Variants in ZNF385D observed in about 807,000 individuals in gnomAD.
ZNF385D encodes zinc finger protein 385D.
A neutral mutation model predicts 35.8 loss-of-function variants in ZNF385D; 15 were observed. That is an observed-to-expected ratio of 0.42 (90% CI 0.28 to 0.64). The LOEUF (loss-of-function observed/expected upper bound fraction) is 0.64, where lower values mean the gene tolerates loss of function less well. Among genes scored for constraint, ZNF385D ranks in the 30% least tolerant of loss-of-function variants. The pLI, the probability that ZNF385D is intolerant of heterozygous loss-of-function variation, is 0.23. For synonymous variants in ZNF385D, 212 were observed against 186.8 expected, an observed-to-expected ratio of 1.13 and a Z score of -1.10; for missense variants, 474 against 494.6, an observed-to-expected ratio of 0.96 and a Z score of 0.39.
At chr3:21,831,715 G>C (rs1035769276) in intron 3 of ZNF385D, among the ~76,000 whole-genome samples, 3 of 152,088 alleles carry the variant, frequency 2.0e-5, no homozygotes, top group Non-Finnish European at 2.9e-5. Context: ...GCCTTCTATT[G>C]GATATAAACA....
intron 2 of ZNF385D, among the ~76,000 whole-genome samples, chr3:22,312,380 T>C (rs547034361): frequency 1.3e-5 from 2 of 152,212 alleles, no homozygotes; most frequent in East Asian, 1.9e-4. Context: ...CGAAACCCCA[T>C]AGTCTCACTA....
At chr3:22,359,876 G>T (rs901553208) in intron 2 of ZNF385D, among the ~76,000 whole-genome samples, 1 of 151,790 alleles carries the variant, frequency 6.6e-6, no homozygotes, top group African/African-American at 2.4e-5. Context: ...TTAAACCTGT[G>T]TTATAAGAGA....
chr3:22,082,449 C>A (rs992749178), intron 3 of ZNF385D, among the ~76,000 whole-genome samples: 4 of 152,178 alleles, frequency 2.6e-5, no homozygotes, highest in African/African-American at 9.7e-5. Flanking sequence ...TTGCTCACTG[C>A]TAGTGCAGCA....
At chr3:22,285,288 T>C (rs1012673266) in intron 2 of ZNF385D, among the ~76,000 whole-genome samples, 6 of 152,190 alleles carry the variant, frequency 3.9e-5, no homozygotes, top group Admixed American at 2.0e-4. Context: ...CATTCCTTTC[T>C]GTCTTTAACT....
chr3:21,716,008 T>C (rs550615795), intron 1 of ZNF385D, among the ~76,000 whole-genome samples: 2 of 152,126 alleles, frequency 1.3e-5, no homozygotes, highest in South Asian at 2.1e-4. Context: ...ATCTAGTTAT[T>C]CAACTTTGAA....
intron 3 of ZNF385D, among the ~76,000 whole-genome samples, chr3:21,528,052 A>C (rs1708333760): frequency 6.6e-6 from 1 of 152,202 alleles, no homozygotes; most frequent in South Asian, 2.1e-4. Context: ...AAGGTCCACA[A>C]GTAGTAAACG....
chr3:21,953,285 G>C (rs1702146908), intron 3 of ZNF385D, among the ~76,000 whole-genome samples: 2 of 150,654 alleles, frequency 1.3e-5, no homozygotes, highest in South Asian at 2.1e-4. Flanking sequence ...CCTCTAAAAA[G>C]TTACATCAAG....
Position 22,266,666 on chromosome 3 carries a change from T to G in ZNF385D, c.107-97631A>C, listed in dbSNP as rs573058896. On this transcript the variant is annotated intron_variant, in intron 2 of 5. Transcript: ENST00000494108. ...TAGACACTGTGCAATGGAAATTTTC[T>G]ATTCTGGTACAAAGGTATTCTTTTC... 3.9e-5 allele frequency among the ~76,000 whole-genome samples: 6 copies of G among 152,074 alleles called. No homozygotes were observed. The South Asian group carries it at 8.3e-4, about 21-fold the overall frequency.
At chr3:22,118,296 C>A (rs1559382088) in intron 3 of ZNF385D, among the ~76,000 whole-genome samples, 1 of 152,006 alleles carries the variant, frequency 6.6e-6, no homozygotes, top group Non-Finnish European at 1.5e-5. Flanking sequence ...TTGGTAATCC[C>A]TCCAAACCAT....
intron 3 of ZNF385D, among the ~76,000 whole-genome samples, chr3:22,045,085 G>T (rs1271281478): frequency 6.6e-6 from 1 of 151,794 alleles, no homozygotes; most frequent in Non-Finnish European, 1.5e-5. Flanking sequence ...TTGTTTATTA[G>T]CTCCCATCGG....
intron 3 of ZNF385D, among the ~76,000 whole-genome samples, chr3:21,774,211 T>A (rs1254182738): frequency 2.0e-5 from 3 of 151,358 alleles, no homozygotes; most frequent in Non-Finnish European, 2.9e-5. Flanking sequence ...AAGTGGGAGC[T>A]GAATGATGAG....
intron 3 of ZNF385D, among the ~76,000 whole-genome samples, chr3:21,996,381 A>G (rs1386450349): frequency 6.6e-6 from 1 of 151,610 alleles, no homozygotes; most frequent in African/African-American, 2.4e-5. Context: ...TATTTCCTTC[A>G]TTTTCCATGC....
intron 2 of ZNF385D, among the ~76,000 whole-genome samples, chr3:22,182,209 C>A (rs192526398): frequency 1.2e-3 from 177 of 152,228 alleles, no homozygotes; most frequent in Non-Finnish European, 1.1e-3. Context: ...CCAATTAACT[C>A]TCTTGCAATA....
chr3:21,450,308 TTCC>T (rs1451768259), intron 4 of ZNF385D, among the ~76,000 whole-genome samples: 1 of 152,162 alleles, frequency 6.6e-6, no homozygotes, highest in Non-Finnish European at 1.5e-5. Context: ...TTTTTCTTTT[TTCC>T]TCCTCCTCTT....
chr3:21,948,517 C>G (rs906300608), intron 3 of ZNF385D, among the ~76,000 whole-genome samples: 1 of 152,048 alleles, frequency 6.6e-6, no homozygotes, highest in African/African-American at 2.4e-5. Flanking sequence ...CATATAGTCA[C>G]ATAACTACCC....
chr3:21,826,953 T>C (rs1694683034), intron 3 of ZNF385D, among the ~76,000 whole-genome samples: 1 of 152,148 alleles, frequency 6.6e-6, no homozygotes, highest in Admixed American at 6.5e-5. Context: ...AGAGCTTGGT[T>C]CTGCCATCTA....
intron 3 of ZNF385D, among the ~76,000 whole-genome samples, chr3:21,828,338 G>A (rs556350056): frequency 6.6e-6 from 1 of 152,242 alleles, no homozygotes; most frequent in East Asian, 1.9e-4. Flanking sequence ...AGTAAAAGTA[G>A]AAGTTAAAAT....
At chr3:21,807,189 A>T (rs1436146060) in intron 3 of ZNF385D, among the ~76,000 whole-genome samples, 1 of 152,250 alleles carries the variant, frequency 6.6e-6, no homozygotes, top group Non-Finnish European at 1.5e-5. Context: ...AGTATACTTT[A>T]TATAAACTAA....
intron 3 of ZNF385D, among the ~76,000 whole-genome samples, chr3:21,956,631 T>C (rs547822572): frequency 9.9e-5 from 15 of 152,182 alleles, no homozygotes; most frequent in Non-Finnish European, 2.1e-4. Context: ...CAGTGGTTAA[T>C]GCATCCTCTG....
Sources: gnomAD v4.1 joint callset for allele counts (sites outside exome capture counted in the v4.1 genomes callset) on GRCh38, gnomAD v4.1.1 for gene constraint, MANE v1.5 for transcripts, NCBI Gene and HGNC (gene_info 2026-07-23, HGNC 2026-07-21) for gene names.